Variants in CBX6 observed in about 807,000 individuals in gnomAD.
The protein encoded by CBX6 is chromobox protein homolog 6.
CBX6 carries 7 observed loss-of-function variants against 28.4 expected under a neutral mutation model. The ratio of observed to expected loss-of-function variants is 0.25; its 90% confidence interval spans 0.14 to 0.46. The LOEUF (loss-of-function observed/expected upper bound fraction) is 0.46, where lower values mean the gene tolerates loss of function less well. CBX6 is among the 20% of genes least tolerant of loss of function. CBX6 has a pLI of 0.99. For missense variants in CBX6, 512 were observed against 606.1 expected, an observed-to-expected ratio of 0.84 and a Z score of 1.63; for synonymous variants, 297 against 273.4, an observed-to-expected ratio of 1.09 and a Z score of -0.85.
rs761363641 is a variant in CBX6 at position 38,866,656 on chromosome 22, G to A, written c.792C>T (p.Pro264=). ...AGCTGCGGGCGTCGTAGGGGGCGGC[G>A]GGGGCGGCCAGAAGTAGCCCAGGGC... ...APGPGLLLAA[P]AAPYDARSSG... The change falls in exon 5 of 5, where the codon CCC becomes CCT. Residue 264 remains proline, a synonymous_variant. Transcript: ENST00000407418. This position sits in a 1 kb window ranked among gnomAD's most constrained non-coding sequence, Gnocchi z 7.5. 4 of 1,534,832 alleles carry A rather than the reference G, an allele frequency of 2.6e-6. No homozygotes were observed. In the African/African-American group the frequency reaches 4.1e-5, roughly 16 times the overall value.
intron 4 of CBX6, chr22:38,869,908 ACT>A (rs1421501683): frequency 1.3e-5 from 2 of 152,040 alleles, no homozygotes; most frequent in African/African-American, 2.4e-5. Context: ...TAATTTGCTG[ACT>A]CTGCCATACT....
At position 38,866,078 on chromosome 22, in the gene CBX6, G is replaced by C; in HGVS notation, c.*131C>G. On this transcript the variant is annotated 3_prime_UTR_variant, in exon 5 of 5. Transcript: ENST00000407418. The surrounding 1 kb of genome is among the most constrained non-coding windows in gnomAD (Gnocchi z 7.5). ...ACCCCAACTACCCAGCCCCATCCCT[G>C]GGTCAACACCGAGCCATTTGAGACA... The C allele has an allele frequency of 5.3e-6, 4 of 755,200 alleles. No individual in the cohort carries two copies. In the South Asian group the frequency reaches 7.4e-5, roughly 14 times the overall value. 46.8% of individuals were successfully genotyped at this position (755,200 alleles called of 1,614,324 possible). A position where few individuals can be genotyped will look rare whatever the true frequency, so the allele number is the denominator to read the frequency against.
At position 38,862,136 on chromosome 22, in the gene CBX6, G is replaced by T. The variant is rs2093158568; in HGVS notation, c.*4073C>A. 6.6e-6 allele frequency: 1 copy of T among 152,210 alleles called. No individual in the cohort carries two copies. The highest frequency in any genetic ancestry group is 2.1e-4 in the South Asian group (1 of 4,830). 9.4% of individuals were successfully genotyped at this position (152,210 alleles called of 1,614,324 possible). A position where few individuals can be genotyped will look rare whatever the true frequency, so the allele number is the denominator to read the frequency against. On this transcript the variant is annotated 3_prime_UTR_variant, in exon 5 of 5. Coordinates refer to ENST00000407418, the MANE Select transcript of CBX6 (RefSeq NM_014292.5). The stretch of plus-strand genomic sequence containing the variant: ...TCTCTCTTTGCCTGGCTGACTACCT[G>T]CATACAGTAGGCACTCACTGCTGGA...
chr22:38,868,130 G>T (rs1568996489), intron 4 of CBX6, among the ~76,000 whole-genome samples: 1 of 152,218 alleles, frequency 6.6e-6, no homozygotes, highest in Non-Finnish European at 1.5e-5. Context: ...GTTGTCAGAT[G>T]CCACTAAATG....
chr22:38,866,105 G>A lies in CBX6; in HGVS notation c.*104C>T, dbSNP rs1373532904. ...GTCAACACCGAGCCATTTGAGACAA[G>A]CAAAGCACAGGGAGAGAGGGCTGGG... On this transcript the variant is annotated 3_prime_UTR_variant, in exon 5 of 5. Transcript: ENST00000407418. This position sits in a 1 kb window ranked among gnomAD's most constrained non-coding sequence, Gnocchi z 7.5. The A allele has an allele frequency of 3.3e-5, 30 of 899,036 alleles. No individual in the cohort carries two copies. The highest frequency in any genetic ancestry group is 2.0e-5 in the Non-Finnish European group (12 of 601,360). 55.7% of individuals were successfully genotyped at this position (899,036 alleles called of 1,614,324 possible). A position where few individuals can be genotyped will look rare whatever the true frequency, so the allele number is the denominator to read the frequency against.
chr22:38,868,293 G>A (rs1257069813), intron 4 of CBX6, among the ~76,000 whole-genome samples: 2 of 152,236 alleles, frequency 1.3e-5, no homozygotes, highest in Non-Finnish European at 2.9e-5. Context: ...CCTATCACAG[G>A]GAGGACGGTG....
At position 38,862,820 on chromosome 22, in the gene CBX6, G is replaced by A. The variant is rs934859656; in HGVS notation, c.*3389C>T. The A allele has an allele frequency of 6.6e-6, 1 of 152,224 alleles. No individual in the cohort carries two copies. The highest frequency in any genetic ancestry group is 2.4e-5 in the African/African-American group (1 of 41,458). 9.4% of individuals were successfully genotyped at this position (152,224 alleles called of 1,614,324 possible). ...GTGCTGGCTCCAGGGCCTGGGCCCT[G>A]CCTTTTAAAGGGCTTTTCCCCATAG... is the stretch of plus-strand genomic sequence containing the variant. On this transcript the variant is annotated 3_prime_UTR_variant, in exon 5 of 5. Transcript: ENST00000407418.
In CBX6 at chr22:38,866,537, G is replaced by A. The variant is rs1209770194; in HGVS notation, c.911C>T (p.Ala304Val). The change falls in exon 5 of 5, where the codon GCC becomes GTC. Residue 304 changes from alanine (A) to valine (V), a missense_variant. By Grantham distance (64) the Ala-to-Val change is moderately conservative. Transcript: ENST00000407418. This position sits in a 1 kb window ranked among gnomAD's most constrained non-coding sequence, Gnocchi z 7.5. ...KLLPETVSPSAPSWREPEVLD... is the reference protein window; with the variant it reads ...KLLPETVSPSVPSWREPEVLD... ...CACCTCCGGCTCGCGCCAGCTGGGG[G>A]CGGATGGGCTCACGGTCTCGGGGAG... 1.6e-5 allele frequency: 26 copies of A among 1,580,350 alleles called. No homozygotes were observed. Among genetic ancestry groups the A allele is most frequent in the Non-Finnish European group, 2.0e-5 (23 of 1,170,426 alleles).
Position 38,862,091 on chromosome 22 carries a change from T to C in CBX6, c.*4118A>G, listed in dbSNP as rs1461163906. Reference sequence around the variant, plus strand: ...AGCTACCCGGCCTCCCGCAAGAGGGTTCCCCCATGAGACCGTTAGTCTCTC... The same window carrying C: ...AGCTACCCGGCCTCCCGCAAGAGGGCTCCCCCATGAGACCGTTAGTCTCTC... On this transcript the variant is annotated 3_prime_UTR_variant, in exon 5 of 5. Transcript: ENST00000407418. 6.6e-6 allele frequency: 1 copy of C among 152,162 alleles called. No homozygotes were observed. Among genetic ancestry groups the C allele is most frequent in the Non-Finnish European group, 1.5e-5 (1 of 68,028 alleles). 9.4% of individuals were successfully genotyped at this position (152,162 alleles called of 1,614,324 possible).
Position 38,872,055 on chromosome 22 carries a change from G to A in CBX6, c.69+67C>T, listed in dbSNP as rs1332537936. The A allele has an allele frequency of 2.3e-6, 3 of 1,289,398 alleles. No homozygotes were observed. Among genetic ancestry groups the A allele is most frequent in the African/African-American group, 3.2e-5 (2 of 63,442 alleles). 79.9% of individuals were successfully genotyped at this position (1,289,398 alleles called of 1,614,324 possible). A position where few individuals can be genotyped will look rare whatever the true frequency, so the allele number is the denominator to read the frequency against. ...GGAGCCGGGCTAGCGGGACCGCTTC[G>A]CCCCGAGGGCCCCCGGCCCCGGCCC... is the stretch of plus-strand genomic sequence containing the variant. On this transcript the variant is annotated intron_variant, in intron 1 of 4. Coordinates refer to ENST00000407418, the MANE Select transcript of CBX6 (RefSeq NM_014292.5). This position sits in a 1 kb window ranked among gnomAD's most constrained non-coding sequence, Gnocchi z 5.0.
Position 38,871,773 on chromosome 22 carries a change from C to T in CBX6, c.114-16G>A, listed in dbSNP as rs369674368. On this transcript the variant is annotated splice_polypyrimidine_tract_variant and intron_variant, in intron 2 of 4. Transcript: ENST00000407418. The surrounding 1 kb of genome is among the most constrained non-coding windows in gnomAD (Gnocchi z 5.6). ...AGTGCTGTACCTGCCGAGTCACAAACGCACAAAATCAGGATGAAGACCAGA... is the reference window on the plus strand; with the variant it reads ...AGTGCTGTACCTGCCGAGTCACAAATGCACAAAATCAGGATGAAGACCAGA... 6.2e-7 allele frequency: 1 copy of T among 1,605,512 alleles called. No individual in the cohort carries two copies. The highest frequency in any genetic ancestry group is 1.3e-5 in the African/African-American group (1 of 74,732).
chr22:38,872,191 C>G lies in CBX6; in HGVS notation c.-1G>C. 2 of 1,400,290 alleles carry G rather than the reference C, an allele frequency of 1.4e-6. No individual in the cohort carries two copies. Among genetic ancestry groups the G allele is most frequent in the Non-Finnish European group, 1.9e-6 (2 of 1,058,222 alleles). 86.7% of individuals were successfully genotyped at this position (1,400,290 alleles called of 1,614,324 possible). A position where few individuals can be genotyped will look rare whatever the true frequency, so the allele number is the denominator to read the frequency against. On this transcript the variant is annotated 5_prime_UTR_variant, in exon 1 of 5. Transcript: ENST00000407418. This position sits in a 1 kb window ranked among gnomAD's most constrained non-coding sequence, Gnocchi z 5.0. ...GCTCGCCCACTGCAGACAGCTCCAT[C>G]TTGCTCAGCGGCACCCACAGCCCAT... is the stretch of plus-strand genomic sequence containing the variant.
chr22:38,867,228 G>GGTGGGGGGGGGGGGGGGGGC, intron 4 of CBX6, 27 bp from the exon 5 acceptor site: 6 of 518,846 alleles, frequency 1.2e-5, no homozygotes, highest in East Asian at 9.9e-5. Context: ...GGGTGGGTGG[G>GGTGGGGGGGGGGGGGGGGGC]ACCTCAGGAC....
Position 38,866,707 on chromosome 22 carries a change from G to T in CBX6, c.741C>A (p.Pro247=), listed in dbSNP as rs540689845. 207 of 1,573,718 alleles carry T rather than the reference G, an allele frequency of 1.3e-4. 1 individual carries two copies. The South Asian group carries it at 2.1e-3, about 16-fold the overall frequency. Residue 247 remains proline (P), a synonymous_variant, in exon 5 of 5, where the codon CCC becomes CCA. Transcript: ENST00000407418. The surrounding 1 kb of genome is among the most constrained non-coding windows in gnomAD (Gnocchi z 7.5). ...CCGGGGCTGAGGCCTCAGCCTTGCC[G>T]GGGGACGGGGCTACCAGGGGGGCGG... ...PPPAPLVAPS[P]GKAEASAPGP...
In CBX6 at chr22:38,872,090, A is replaced by G; in HGVS notation, c.69+32T>C. ...CCCCCGGCCCCGGCCCCGGCTGCGG[A>G]CAGCGGCGGCCCGCCCCGGGCGGCG... On this transcript the variant is annotated intron_variant, in intron 1 of 4. Transcript: ENST00000407418. The surrounding 1 kb of genome is among the most constrained non-coding windows in gnomAD (Gnocchi z 5.0). 1 of 1,335,514 alleles carries G rather than the reference A, an allele frequency of 7.5e-7. No individual in the cohort carries two copies. Among genetic ancestry groups the G allele is most frequent in the Non-Finnish European group, 9.7e-7 (1 of 1,032,680 alleles). The allele number at this position is 1,335,514 out of a possible 1,614,324, so 82.7% of individuals were successfully genotyped here.
In CBX6 at chr22:38,864,853, C is replaced by G. The variant is rs1283691976; in HGVS notation, c.*1356G>C. 1 of 152,444 alleles carries G rather than the reference C, an allele frequency of 6.6e-6. No homozygotes were observed. Among genetic ancestry groups the G allele is most frequent in the Non-Finnish European group, 1.5e-5 (1 of 68,198 alleles). The allele number at this position is 152,444 out of a possible 1,614,324, so 9.4% of individuals were successfully genotyped here. On this transcript the variant is annotated 3_prime_UTR_variant, in exon 5 of 5. Transcript: ENST00000407418. ...CGGTCCCAATTCTGGGACCAACACC[C>G]TCATTCTCCTGGAGAACACAGACCC... is the stretch of plus-strand genomic sequence containing the variant.
chr22:38,867,656 G>A (rs1167412253), intron 4 of CBX6, among the ~76,000 whole-genome samples: 2 of 152,224 alleles, frequency 1.3e-5, no homozygotes, highest in African/African-American at 4.8e-5. Flanking sequence ...GTGACAGAAA[G>A]GAGGAGGTGG....
In CBX6 at chr22:38,870,451, C is replaced by T. The variant is rs1490686634; in HGVS notation, c.246+1029G>A. 1 of 152,316 alleles carries T rather than the reference C, an allele frequency of 6.6e-6. No individual in the cohort carries two copies. The highest frequency in any genetic ancestry group is 1.5e-5 in the Non-Finnish European group (1 of 68,116). The allele number at this position is 152,316 out of a possible 1,614,324, so 9.4% of individuals were successfully genotyped here. On this transcript the variant is annotated intron_variant, in intron 4 of 4. Coordinates refer to ENST00000407418, the MANE Select transcript of CBX6 (RefSeq NM_014292.5). The surrounding 1 kb of genome is among the most constrained non-coding windows in gnomAD (Gnocchi z 4.3). Reference sequence around the variant, plus strand: ...AGAGGCTGTCACACAGCCCACCAGCCTTCCAGCTGCTCCGCCCATCCCTCC... The same window carrying T: ...AGAGGCTGTCACACAGCCCACCAGCTTTCCAGCTGCTCCGCCCATCCCTCC...
Position 38,871,904 on chromosome 22 carries a change from G to T in CBX6, c.111C>A (p.Ile37=), listed in dbSNP as rs2093183191. 4 of 1,542,770 alleles carry T rather than the reference G, an allele frequency of 2.6e-6. No homozygotes were observed. Among genetic ancestry groups the T allele is most frequent in the Non-Finnish European group, 3.5e-6 (4 of 1,143,346 alleles). ...EYLVKWKGWA[I]KYSTWEPEEN... ...CCCCCGGACCCCGCGACACTCACTT[G>T]ATCGCCCACCCCTTCCATTTCACCA... is the stretch of plus-strand genomic sequence containing the variant. The change falls in exon 2 of 5, where the codon ATC becomes ATA. Residue 37 remains isoleucine (I), a splice_region_variant and synonymous_variant. Coordinates refer to ENST00000407418, the MANE Select transcript of CBX6 (RefSeq NM_014292.5). The surrounding 1 kb of genome is among the most constrained non-coding windows in gnomAD (Gnocchi z 5.6).
Sources: gnomAD v4.1 joint callset for allele counts (sites outside exome capture counted in the v4.1 genomes callset) on GRCh38, gnomAD v4.1.1 for gene constraint, Gnocchi (gnomAD v3.1) non-coding constraint, MANE v1.5 for transcripts, NCBI Gene and HGNC (gene_info 2026-07-23, HGNC 2026-07-21) for gene names.